RARB: variants seen among roughly 807,000 people sequenced by gnomAD.
RARB encodes the protein retinoic acid receptor beta.
RARB carries 17 observed loss-of-function variants against 51.9 expected under a neutral mutation model. The ratio of observed to expected loss-of-function variants is 0.33; its 90% CI spans 0.22 to 0.49. RARB has a LOEUF of 0.49. RARB is among the 20% of genes least tolerant of loss of function. RARB has a pLI of 0.99. For synonymous variants in RARB, 215 were observed against 195.4 expected, an observed-to-expected ratio of 1.10 and a Z score of -0.84; for missense variants, 369 against 550.8, an observed-to-expected ratio of 0.67 and a Z score of 3.30.
intron 2 of RARB, among the ~76,000 whole-genome samples, chr3:24,908,310 A>G (rs1170531423): frequency 6.6e-6 from 1 of 152,218 alleles, no homozygotes; most frequent in African/African-American, 2.4e-5. Flanking sequence ...TGCAGTAGGT[A>G]TTTATTTTTT....
At chr3:25,532,929 G>C (rs1191961253) in intron 3 of RARB, among the ~76,000 whole-genome samples, 1 of 152,144 alleles carries the variant, frequency 6.6e-6, no homozygotes, top group Non-Finnish European at 1.5e-5. Flanking sequence ...ACCAACTTGA[G>C]TCCTATGCTT....
rs115191791 is a variant in RARB, at chr3:25,251,910, C to T, written c.178+77335C>T. On this transcript the variant is annotated intron_variant, in intron 5 of 11. Transcript: ENST00000383772. ...TTTGTCTTTGCTTGTGTTTTTGGTGCCATATTTAGGAAATCATTGCCTAAC... is the reference window on the plus strand; with the variant it reads ...TTTGTCTTTGCTTGTGTTTTTGGTGTCATATTTAGGAAATCATTGCCTAAC... Among the ~76,000 whole-genome samples, 700 of 151,824 alleles carry T rather than the reference C, an allele frequency of 4.6e-3. 7 individuals carry two copies. The highest frequency in any genetic ancestry group is 0.016 in the African/African-American group (656 of 41,438).
chr3:25,401,831 C>T (rs955868494), intron 5 of RARB, among the ~76,000 whole-genome samples: 3 of 152,136 alleles, frequency 2.0e-5, no homozygotes, highest in Non-Finnish European at 4.4e-5. Context: ...GGCTAGAGTG[C>T]AGTGGCATGA....
chr3:24,968,870 C>G (rs1398465770), intron 2 of RARB, among the ~76,000 whole-genome samples: 3 of 152,104 alleles, frequency 2.0e-5, no homozygotes, highest in Non-Finnish European at 4.4e-5. Context: ...AATGAGAGGT[C>G]ATTACTCTGT....
intron 3 of RARB, among the ~76,000 whole-genome samples, chr3:25,564,641 G>A (rs1391239145): frequency 2.0e-5 from 3 of 152,104 alleles, no homozygotes; most frequent in African/African-American, 7.2e-5. Context: ...AAACAGTTTT[G>A]AGGCCCCCAT....
chr3:25,006,957 TC>T (rs924360887), intron 2 of RARB, among the ~76,000 whole-genome samples: 1 of 152,194 alleles, frequency 6.6e-6, no homozygotes, highest in African/African-American at 2.4e-5. Flanking sequence ...TTTGTAATAA[TC>T]CACAGTATTA....
intron 2 of RARB, among the ~76,000 whole-genome samples, chr3:24,883,741 G>T (rs1052232434): frequency 6.6e-6 from 1 of 151,948 alleles, no homozygotes; most frequent in Non-Finnish European, 1.5e-5. Context: ...TTCAAATTGG[G>T]TGTCAGATAC....
chr3:25,010,058 C>T (rs1390795402), intron 2 of RARB, among the ~76,000 whole-genome samples: 1 of 152,026 alleles, frequency 6.6e-6, no homozygotes, highest in Admixed American at 6.6e-5. Context: ...TTATTATAAC[C>T]TTAGTTCAGG....
chr3:25,171,440 ATTT>A (rs1157902711), intron 4 of RARB, among the ~76,000 whole-genome samples: 1 of 32,214 alleles, frequency 3.1e-5, no homozygotes, highest in African/African-American at 1.6e-4. Context: ...CGACACATTG[ATTT>A]TTTTTTTTTT....
chr3:25,164,194 G>A (rs907383357), intron 4 of RARB, among the ~76,000 whole-genome samples: 22 of 152,214 alleles, frequency 1.4e-4, no homozygotes, highest in Non-Finnish European at 2.9e-4. Flanking sequence ...CCAGAAGGTA[G>A]TAGGGGTGGG....
At chr3:25,000,371 T>A (rs1290090729) in intron 2 of RARB, among the ~76,000 whole-genome samples, 1 of 152,146 alleles carries the variant, frequency 6.6e-6, no homozygotes, top group Non-Finnish European at 1.5e-5. Flanking sequence ...CCCAGACACT[T>A]GCATGTACTA....
intron 1 of RARB, among the ~76,000 whole-genome samples, chr3:24,839,443 C>G (rs1482702556): frequency 6.6e-6 from 1 of 151,582 alleles, no homozygotes; most frequent in African/African-American, 2.4e-5. Flanking sequence ...TGGCTCATGC[C>G]TATGATCCCG....
exon 1 of RARB, among the ~76,000 whole-genome samples, chr3:24,829,349 T>C (rs1702248749): frequency 6.6e-6 from 1 of 151,880 alleles, no homozygotes; most frequent in Non-Finnish European, 1.5e-5. Context: ...CGGCAGGGGC[T>C]GAGGGCACAG....
At chr3:25,053,370 G>T (rs1231989085) in intron 2 of RARB, among the ~76,000 whole-genome samples, 1 of 152,142 alleles carries the variant, frequency 6.6e-6, no homozygotes, top group African/African-American at 2.4e-5. Flanking sequence ...CTAGGGGTAA[G>T]AATTGGGTTC....
chr3:25,461,117 G>C, intron 1 of RARB, 76 bp from the exon 2 acceptor site: 2 of 1,465,264 alleles, frequency 1.4e-6, no homozygotes, highest in South Asian at 2.8e-5. Context: ...AGAAGCATAT[G>C]AATTCACTGT....
At chr3:24,911,097 C>T (rs992365029) in intron 2 of RARB, among the ~76,000 whole-genome samples, 2 of 152,128 alleles carry the variant, frequency 1.3e-5, no homozygotes, top group Non-Finnish European at 2.9e-5. Flanking sequence ...CCTAAATTGC[C>T]TTATTGCGTT....
intron 2 of RARB, among the ~76,000 whole-genome samples, chr3:24,952,819 C>A (rs1695926319): frequency 6.6e-6 from 1 of 151,988 alleles, no homozygotes; most frequent in Non-Finnish European, 1.5e-5. Context: ...CTATGTAACT[C>A]ATTGAATTTA....
intron 2 of RARB, among the ~76,000 whole-genome samples, chr3:25,468,312 G>A (rs1695530843): frequency 2.6e-5 from 4 of 151,432 alleles, no homozygotes; most frequent in Admixed American, 2.6e-4. Flanking sequence ...TCCAAGTGTG[G>A]AGTAGAGGGA....
intron 3 of RARB, among the ~76,000 whole-genome samples, chr3:25,567,227 A>T (rs1164234417): frequency 6.6e-6 from 1 of 152,206 alleles, no homozygotes; most frequent in Non-Finnish European, 1.5e-5. Flanking sequence ...TAAGTTGTGC[A>T]GCCTTCACCA....
Sources: gnomAD v4.1 joint callset for allele counts (sites outside exome capture counted in the v4.1 genomes callset) on GRCh38, gnomAD v4.1.1 for gene constraint, MANE v1.5 for transcripts, NCBI Gene and HGNC (gene_info 2026-07-23, HGNC 2026-07-21) for gene names.